The following MAGI2 variants were observed in gnomAD, a reference collection of about 807,000 sequenced individuals.
MAGI2 encodes membrane associated guanylate kinase, WW and PDZ domain containing 2.
MAGI2 carries 35 observed loss-of-function variants against 133.3 expected under a neutral mutation model. The ratio of observed to expected loss-of-function variants is 0.26; its 90% CI spans 0.20 to 0.35. MAGI2 has a LOEUF of 0.35. Among genes scored for constraint, MAGI2 ranks in the 10% least tolerant of loss-of-function variants. MAGI2 has a pLI of 1.00. For synonymous variants in MAGI2, 729 were observed against 710.6 expected (o/e 1.03, Z -0.41); for missense variants, 1,636 against 1,863.4 (o/e 0.88, Z 2.25).
chr7:78,166,537 T>C (rs1451210333), intron 15 of MAGI2, among the ~76,000 whole-genome samples: 1 of 152,230 alleles, frequency 6.6e-6, no homozygotes. Flanking sequence ...CTCTATAAGA[T>C]ACAAGATATA....
At chr7:79,397,390 C>T (rs748050098) in intron 1 of MAGI2, among the ~76,000 whole-genome samples, 4 of 151,830 alleles carry the variant, frequency 2.6e-5, no homozygotes, top group Non-Finnish European at 5.9e-5. Flanking sequence ...GAATTTCCCC[C>T]GTTTAGTTCC....
intron 3 of MAGI2, among the ~76,000 whole-genome samples, chr7:78,574,830 T>C (rs1802098475): frequency 6.6e-6 from 1 of 152,240 alleles, no homozygotes; most frequent in Admixed American, 6.5e-5. Context: ...ATTGGCAAGG[T>C]GATGACGGTG....
At chr7:79,297,281 T>C (rs1274746150) in intron 1 of MAGI2, among the ~76,000 whole-genome samples, 1 of 152,214 alleles carries the variant, frequency 6.6e-6, no homozygotes, top group Non-Finnish European at 1.5e-5. Flanking sequence ...GATATTAAAA[T>C]ACTAGAGATG....
chr7:78,950,723 G>T (rs1381764167), intron 2 of MAGI2, among the ~76,000 whole-genome samples: 3 of 152,110 alleles, frequency 2.0e-5, no homozygotes, highest in Non-Finnish European at 4.4e-5. Context: ...TGTAGATATA[G>T]TGATTTGCTT....
intron 5 of MAGI2, among the ~76,000 whole-genome samples, chr7:78,490,594 A>G (rs531732279): frequency 3.5e-4 from 54 of 152,244 alleles, no homozygotes; most frequent in African/African-American, 1.3e-3. Context: ...AACCTGCATT[A>G]GAATTACCTG....
At chr7:78,549,343 A>G (rs1369386834) in intron 3 of MAGI2, among the ~76,000 whole-genome samples, 1 of 151,894 alleles carries the variant, frequency 6.6e-6, no homozygotes, top group Non-Finnish European at 1.5e-5. Context: ...CAAAAGTAAG[A>G]CTGCCTTCTT....
chr7:78,209,761 C>G (rs1162506197), intron 10 of MAGI2, among the ~76,000 whole-genome samples: 1 of 152,188 alleles, frequency 6.6e-6, no homozygotes, highest in East Asian at 1.9e-4. Context: ...CTTGAAAATC[C>G]TTCAGTGAAT....
At chr7:78,844,246 T>G (rs1451586745) in intron 2 of MAGI2, among the ~76,000 whole-genome samples, 1 of 151,692 alleles carries the variant, frequency 6.6e-6, no homozygotes. Context: ...AAAGGTAATT[T>G]GATCTGCTTT....
At chr7:78,435,788 C>T (rs1800228110) in intron 6 of MAGI2, among the ~76,000 whole-genome samples, 1 of 152,120 alleles carries the variant, frequency 6.6e-6, no homozygotes, top group South Asian at 2.1e-4. Flanking sequence ...GCCCAGAAAA[C>T]AAACAGTTCC....
intron 2 of MAGI2, among the ~76,000 whole-genome samples, chr7:78,883,546 A>C (rs1231828099): frequency 6.6e-6 from 1 of 152,240 alleles, no homozygotes; most frequent in South Asian, 2.1e-4. Flanking sequence ...GAACCAAAAA[A>C]GAGCCCAAAT....
At chr7:78,032,977 G>A (rs1222725911) in intron 21 of MAGI2, among the ~76,000 whole-genome samples, 2 of 152,132 alleles carry the variant, frequency 1.3e-5, no homozygotes, top group Admixed American at 1.3e-4. Flanking sequence ...TGTGATGGAA[G>A]CCACTGGATG....
chr7:78,464,919 A>G (rs1790461300), intron 6 of MAGI2, among the ~76,000 whole-genome samples: 1 of 152,154 alleles, frequency 6.6e-6, no homozygotes, highest in Non-Finnish European at 1.5e-5. Flanking sequence ...TACCATTGCT[A>G]TCAACCCTCA....
At chr7:78,801,925 C>A (rs1175852523) in intron 2 of MAGI2, among the ~76,000 whole-genome samples, 1 of 152,148 alleles carries the variant, frequency 6.6e-6, no homozygotes, top group Non-Finnish European at 1.5e-5. Context: ...ACACCAAATA[C>A]TATGAAATGC....
In MAGI2 at chr7:78,149,682, C is replaced by T. The variant is rs1397785938; in HGVS notation, c.2845+10343G>A. Among the ~76,000 whole-genome samples the T allele has an allele frequency of 2.0e-5, 3 of 152,242 alleles. No homozygotes were observed. The East Asian group carries it at 5.8e-4, about 29-fold the overall frequency. On this transcript the variant is annotated intron_variant, in intron 16 of 21. Transcript: ENST00000354212. ...TGCCAGAAAACTATAAGAACAAAAC[C>T]TTTTACATGTGCTCTTTCTTGCTTT... is the stretch of plus-strand genomic sequence containing the variant.
rs188536700 is a variant in MAGI2 at position 78,102,440 on chromosome 7, G to A, written c.3567+23254C>T. ...GAAATCATGCCCAAGGCACACTTAC[G>A]TCAAAATATCATAATGTACCCCTTA... is the stretch of plus-strand genomic sequence containing the variant. On this transcript the variant is annotated intron_variant, in intron 20 of 21. Transcript: ENST00000354212. Among the ~76,000 whole-genome samples the A allele has an allele frequency of 1.5e-3, 225 of 152,248 alleles. 1 individual carries two copies. The highest frequency in any genetic ancestry group is 1.4e-3 in the Non-Finnish European group (93 of 68,010).
intron 10 of MAGI2, among the ~76,000 whole-genome samples, chr7:78,205,149 G>C (rs1336072809): frequency 6.6e-6 from 1 of 151,964 alleles, no homozygotes; most frequent in Non-Finnish European, 1.5e-5. Context: ...TTTTTTTCTT[G>C]AGACAGGGTC....
At chr7:78,075,400 G>A (rs371330752) in intron 21 of MAGI2, among the ~76,000 whole-genome samples, 6 of 135,048 alleles carry the variant, frequency 4.4e-5, no homozygotes, top group Non-Finnish European at 7.7e-5. Context: ...TTTTTGAGAC[G>A]GAGTCTCGCT....
At chr7:78,222,184 A>T (rs1385505992) in intron 10 of MAGI2, among the ~76,000 whole-genome samples, 1 of 152,174 alleles carries the variant, frequency 6.6e-6, no homozygotes, top group African/African-American at 2.4e-5. Context: ...ATGTGCCTGA[A>T]ATATGCCCCA....
intron 10 of MAGI2, chr7:78,254,243 C>T (rs1192615528): frequency 6.6e-6 from 1 of 151,960 alleles, no homozygotes; most frequent in Non-Finnish European, 1.5e-5. Flanking sequence ...TTCAAAGTAC[C>T]TTTTTTCTGC....
Sources: gnomAD v4.1 joint callset for allele counts (sites outside exome capture counted in the v4.1 genomes callset) on GRCh38, gnomAD v4.1.1 for gene constraint, MANE v1.5 for transcripts, NCBI Gene and HGNC (gene_info 2026-07-23, HGNC 2026-07-21) for gene names.